DNAJB6: variants seen among roughly 807,000 people sequenced by gnomAD.
The protein encoded by DNAJB6 is DnaJ heat shock protein family (Hsp40) member B6.
A neutral mutation model predicts 42.7 loss-of-function variants in DNAJB6; 16 were observed. The ratio of observed to expected loss-of-function variants is 0.37; its 90% CI spans 0.25 to 0.57. The LOEUF is 0.57. Ranked by LOEUF, DNAJB6 falls within the 20% of genes least tolerant of loss-of-function variation. DNAJB6 has a pLI of 0.74. For missense variants in DNAJB6, 347 were observed against 416.8 expected (o/e 0.83, Z 1.46); for synonymous variants, 170 against 163.5 (o/e 1.04, Z -0.30).
rs148894461 is a variant in DNAJB6, at chr7:157,405,107, G to A, written c.692-4688G>A. On this transcript the variant is annotated intron_variant, in intron 8 of 9. Transcript: ENST00000262177. The stretch of plus-strand genomic sequence containing the variant: ...CTGACAGGCCGGCCTTGGTGAACAC[G>A]TGCTGCAGAACACTACCTCCAGGTC... Among the ~76,000 whole-genome samples, 760 of 152,352 alleles carry A rather than the reference G, an allele frequency of 5.0e-3. 8 individuals carry two copies. The highest frequency in any genetic ancestry group is 0.015 in the African/African-American group (623 of 41,578).
chr7:157,340,688 T>A (rs555063278), intron 1 of DNAJB6, among the ~76,000 whole-genome samples: 1 of 152,298 alleles, frequency 6.6e-6, no homozygotes, highest in African/African-American at 2.4e-5. Context: ...ACTGACTGAT[T>A]TACTTGAGAT....
chr7:157,384,037 G>T (rs759005759), intron 6 of DNAJB6, among the ~76,000 whole-genome samples: 1 of 152,132 alleles, frequency 6.6e-6, no homozygotes, highest in African/African-American at 2.4e-5. Flanking sequence ...CAGTATCTGC[G>T]CTTAGATGAT....
At chr7:157,404,240 C>T (rs1451878510) in intron 8 of DNAJB6, among the ~76,000 whole-genome samples, 4 of 151,604 alleles carry the variant, frequency 2.6e-5, no homozygotes, top group Non-Finnish European at 5.9e-5. Context: ...TCCCAAAGTG[C>T]TGGGATGACA....
At chr7:157,398,688 T>C (rs1350990920) in intron 8 of DNAJB6, among the ~76,000 whole-genome samples, 1 of 152,242 alleles carries the variant, frequency 6.6e-6, no homozygotes, top group Non-Finnish European at 1.5e-5. Flanking sequence ...CAAAACAGGA[T>C]GTTTTCTGGT....
chr7:157,365,977 G>A (rs530554833), intron 3 of DNAJB6, among the ~76,000 whole-genome samples: 7 of 148,144 alleles, frequency 4.7e-5, no homozygotes, highest in South Asian at 2.1e-4. Context: ...TCCCCCCCGC[G>A]CCTACTCTTG....
rs1242741749 is a variant in DNAJB6, at chr7:157,417,296, T to G, written c.*1198T>G. ...GACCTGGGATTTTATTTAACACAAC[T>G]GTTGCCAAAGAGTTGGCTTTGTTTA... is the stretch of plus-strand genomic sequence containing the variant. On this transcript the variant is annotated 3_prime_UTR_variant, in exon 10 of 10. Transcript: ENST00000262177. 1 of 152,264 alleles carries G rather than the reference T, an allele frequency of 6.6e-6. No homozygotes were observed. The highest frequency in any genetic ancestry group is 1.5e-5 in the Non-Finnish European group (1 of 68,050). The allele number at this position is 152,264 out of a possible 1,614,324, so 9.4% of individuals were successfully genotyped here. A position where few individuals can be genotyped will look rare whatever the true frequency, so the allele number is the denominator to read the frequency against.
At chr7:157,361,227 C>T (rs1482382187) in intron 2 of DNAJB6, among the ~76,000 whole-genome samples, 2 of 150,664 alleles carry the variant, frequency 1.3e-5, no homozygotes, top group Non-Finnish European at 2.9e-5. Flanking sequence ...GGCGTGATCT[C>T]GGCTCACTGC....
intron 5 of DNAJB6, chr7:157,381,983 G>T: frequency 3.6e-6 from 1 of 279,892 alleles, no homozygotes; most frequent in East Asian, 8.3e-5. Context: ...CATAAAGAAT[G>T]TGTGTATGTG....
At chr7:157,351,845 T>C (rs576866666) in intron 1 of DNAJB6, among the ~76,000 whole-genome samples, 1 of 150,416 alleles carries the variant, frequency 6.6e-6, no homozygotes, top group African/African-American at 2.4e-5. Context: ...CCACAAAAAA[T>C]TAGTCGGTGT....
chr7:157,348,197 A>G (rs1798785924), intron 1 of DNAJB6, among the ~76,000 whole-genome samples: 2 of 151,592 alleles, frequency 1.3e-5, no homozygotes, highest in African/African-American at 4.9e-5. Context: ...GGTTCAAGCG[A>G]TTCTCCTGCC....
At chr7:157,359,060 G>A (rs925372530) in intron 2 of DNAJB6, among the ~76,000 whole-genome samples, 14 of 152,206 alleles carry the variant, frequency 9.2e-5, no homozygotes, top group African/African-American at 3.1e-4. Context: ...TTCGAGAACT[G>A]CAGCGCTGCC....
chr7:157,367,710 T>C (rs763643891), intron 5 of DNAJB6, among the ~76,000 whole-genome samples: 37 of 152,128 alleles, frequency 2.4e-4, no homozygotes, highest in African/African-American at 8.5e-4. Context: ...AAATACAAAA[T>C]TAGCCGGGCA....
intron 8 of DNAJB6, among the ~76,000 whole-genome samples, chr7:157,387,611 CTT>C (rs1801134747): frequency 2.0e-5 from 3 of 152,158 alleles, no homozygotes; most frequent in Non-Finnish European, 2.9e-5. Flanking sequence ...ACCTGTAATT[CTT>C]AAACTAGGAA....
chr7:157,345,481 A>T lies in DNAJB6; in HGVS notation c.-27+8337A>T, dbSNP rs184563627. Among the ~76,000 whole-genome samples the T allele has an allele frequency of 2.8e-3, 426 of 151,580 alleles. 2 individuals are homozygous for T. The highest frequency in any genetic ancestry group is 9.8e-3 in the African/African-American group (403 of 41,314). ...AGGCATGTGCCACCCCACTCAGCTAATTTTTTTTATCTTTTTGTAGAGATG... is the reference window on the plus strand; with the variant it reads ...AGGCATGTGCCACCCCACTCAGCTATTTTTTTTTATCTTTTTGTAGAGATG... On this transcript the variant is annotated intron_variant, in intron 1 of 9. Transcript: ENST00000262177.
At chr7:157,369,092 T>C (rs1361559197) in intron 5 of DNAJB6, 4 of 365,270 alleles carry the variant, frequency 1.1e-5, no homozygotes, top group Non-Finnish European at 2.1e-5. Context: ...CTCAAGCATT[T>C]TCAGGGAAAC....
intron 1 of DNAJB6, among the ~76,000 whole-genome samples, chr7:157,348,611 G>A (rs989182459): frequency 5.3e-5 from 8 of 152,168 alleles, no homozygotes; most frequent in South Asian, 4.2e-4. Flanking sequence ...TAACCCTGCC[G>A]TCCAGTCATC....
Position 157,364,241 on chromosome 7 carries a change from C to T in DNAJB6, c.175+971C>T, listed in dbSNP as rs1009661645. ...AAAACCAAACCAATCAGAAGGAACC[C>T]AGTGTAAGCTTGCCACCTTCAACAG... On this transcript the variant is annotated intron_variant, in intron 3 of 9. Coordinates refer to ENST00000262177, the MANE Select transcript of DNAJB6 (RefSeq NM_058246.4). Among the ~76,000 whole-genome samples the T allele has an allele frequency of 5.7e-4, 86 of 152,088 alleles. 1 individual carries two copies. Among genetic ancestry groups the T allele is most frequent in the Admixed American group, 3.6e-3 (55 of 15,274 alleles).
At chr7:157,340,999 C>T (rs866219716) in intron 1 of DNAJB6, among the ~76,000 whole-genome samples, 39 of 27,512 alleles carry the variant, frequency 1.4e-3, no homozygotes, top group Middle Eastern at 0.025. Context: ...TGTGTGTGTG[C>T]GCGCGCGCAG....
chr7:157,392,639 C>T (rs1337646006), intron 8 of DNAJB6, among the ~76,000 whole-genome samples: 4 of 152,130 alleles, frequency 2.6e-5, no homozygotes, highest in Admixed American at 1.3e-4. Flanking sequence ...CATCCGGAAG[C>T]GCAGCTCCTT....
Sources: allele counts gnomAD v4.1 joint callset (sites outside exome capture counted in the v4.1 genomes callset), GRCh38; gene constraint gnomAD v4.1.1; transcripts MANE v1.5; gene names NCBI Gene and HGNC (gene_info 2026-07-23, HGNC 2026-07-21).